TENM3: variants seen among roughly 807,000 people sequenced by gnomAD.
The protein encoded by TENM3 is teneurin transmembrane protein 3.
In TENM3, 63 loss-of-function variants were observed where a neutral mutation model predicts 255.1. The observed-to-expected ratio is 0.25, with a 90% CI of 0.20 to 0.30. The LOEUF (loss-of-function observed/expected upper bound fraction) is 0.30. Ranked by LOEUF, TENM3 falls within the 10% of genes least tolerant of loss-of-function variation. The pLI, the probability that TENM3 is intolerant of heterozygous loss-of-function variation, is 1.00. For missense variants in TENM3, 2,929 were observed against 3,461.1 expected (o/e 0.85, Z 3.86); for synonymous variants, 1,306 against 1,322.3 (o/e 0.99, Z 0.27).
At chr4:181,751,549 C>A in the TENM3 span, among the ~76,000 whole-genome samples, 1 of 152,078 alleles carries the variant, frequency 6.6e-6, no homozygotes, top group African/African-American at 2.4e-5. Flanking sequence ...GATCCAGAAC[C>A]GATTACACAT....
chr4:181,648,062 C>T, the TENM3 span, among the ~76,000 whole-genome samples: 2 of 152,118 alleles, frequency 1.3e-5, no homozygotes, highest in African/African-American at 4.8e-5. Context: ...AAATTTCCCC[C>T]TGTAGTCCCG....
chr4:182,068,837 T>C, the TENM3 span, among the ~76,000 whole-genome samples: 1 of 152,088 alleles, frequency 6.6e-6, no homozygotes, highest in Non-Finnish European at 1.5e-5. Context: ...ATAAACGCAT[T>C]AATGATCAAG....
intron 3 of TENM3, among the ~76,000 whole-genome samples, chr4:182,540,248 T>C (rs1030165407): frequency 6.6e-6 from 1 of 152,174 alleles, no homozygotes; most frequent in Non-Finnish European, 1.5e-5. Flanking sequence ...AGATGTTGTA[T>C]AGAAAAACAA....
the TENM3 span, among the ~76,000 whole-genome samples, chr4:181,597,516 T>A: frequency 3.3e-5 from 5 of 152,248 alleles, no homozygotes; most frequent in African/African-American, 7.2e-5. Context: ...TTTCCTTTTT[T>A]TCAAGCATTA....
intron 4 of TENM3, among the ~76,000 whole-genome samples, chr4:182,613,158 G>A (rs1168675686): frequency 1.3e-5 from 2 of 152,112 alleles, no homozygotes; most frequent in African/African-American, 4.8e-5. Flanking sequence ...TGTCCAGATA[G>A]CACATAGGAA....
At chr4:181,859,304 G>A in the TENM3 span, among the ~76,000 whole-genome samples, 1 of 145,946 alleles carries the variant, frequency 6.9e-6, no homozygotes, top group Non-Finnish European at 1.5e-5. Context: ...ACTATCTGAC[G>A]ATATGATAGC....
intron 1 of TENM3, among the ~76,000 whole-genome samples, chr4:182,165,378 G>A (rs1751635848): frequency 6.6e-6 from 1 of 152,174 alleles, no homozygotes; most frequent in Non-Finnish European, 1.5e-5. Context: ...TTTGACCCAT[G>A]TTCACTTCTC....
At chr4:182,078,773 T>C in the TENM3 span, among the ~76,000 whole-genome samples, 2 of 151,810 alleles carry the variant, frequency 1.3e-5, no homozygotes, top group Non-Finnish European at 2.9e-5. Context: ...GAGAGGGGAA[T>C]AATATTTAGA....
intron 3 of TENM3, among the ~76,000 whole-genome samples, chr4:182,429,833 G>T (rs1359659113): frequency 6.6e-6 from 1 of 152,182 alleles, no homozygotes; most frequent in African/African-American, 2.4e-5. Context: ...CTGCCTTTGA[G>T]ATCTTACTAG....
the TENM3 span, among the ~76,000 whole-genome samples, chr4:181,617,276 AG>A: frequency 6.6e-6 from 1 of 152,216 alleles, no homozygotes. Context: ...AAAAAAATAG[AG>A]GCAGCAGACA....
At chr4:182,484,186 G>A (rs1310305566) in intron 3 of TENM3, among the ~76,000 whole-genome samples, 3 of 152,102 alleles carry the variant, frequency 2.0e-5, no homozygotes, top group Admixed American at 2.0e-4. Context: ...ATAGATGAGT[G>A]TATTTAATCC....
chr4:182,356,369 T>C (rs976107805), intron 3 of TENM3, among the ~76,000 whole-genome samples: 11 of 151,892 alleles, frequency 7.2e-5, no homozygotes, highest in Non-Finnish European at 1.3e-4. Flanking sequence ...ATAATGTAGG[T>C]ATAGTGGGTG....
At chr4:182,127,101 T>C in the TENM3 span, among the ~76,000 whole-genome samples, 211 of 152,330 alleles carry the variant, frequency 1.4e-3, 3 homozygotes, top group East Asian at 5.2e-3. Flanking sequence ...TATGTTAAAA[T>C]ATAGGGACTT....
the TENM3 span, among the ~76,000 whole-genome samples, chr4:181,501,003 G>A: frequency 6.6e-6 from 1 of 152,134 alleles, no homozygotes; most frequent in Non-Finnish European, 1.5e-5. Context: ...CTTTTACCTG[G>A]GGGCCCAGCC....
At chr4:181,566,036 C>T in the TENM3 span, among the ~76,000 whole-genome samples, 1 of 151,916 alleles carries the variant, frequency 6.6e-6, no homozygotes, top group African/African-American at 2.4e-5. Context: ...CAGAATACAG[C>T]AGAGTCCAAC....
At chr4:181,736,649 C>G in the TENM3 span, among the ~76,000 whole-genome samples, 2 of 151,728 alleles carry the variant, frequency 1.3e-5, no homozygotes, top group African/African-American at 4.8e-5. Context: ...CGTATACACC[C>G]AAATACCATT....
At chr4:182,406,206 G>A (rs1769561052) in intron 3 of TENM3, among the ~76,000 whole-genome samples, 2 of 152,222 alleles carry the variant, frequency 1.3e-5, no homozygotes, top group East Asian at 1.9e-4. Context: ...TTGGGAGGCC[G>A]AGGCAGGAGA....
the TENM3 span, among the ~76,000 whole-genome samples, chr4:181,486,473 T>G: frequency 1.3e-5 from 2 of 152,226 alleles, no homozygotes; most frequent in Non-Finnish European, 2.9e-5. Flanking sequence ...ATGATCATAC[T>G]GAAGCATAGC....
At chr4:182,621,729 A>T (rs62339131) in intron 4 of TENM3, among the ~76,000 whole-genome samples, 3 of 83,896 alleles carry the variant, frequency 3.6e-5, no homozygotes, top group Non-Finnish European at 6.9e-5. Context: ...ATTATATATA[A>T]AATATATAAT....
Sources: gnomAD v4.1 joint callset for allele counts (sites outside exome capture counted in the v4.1 genomes callset) on GRCh38, gnomAD v4.1.1 for gene constraint, MANE v1.5 for transcripts, NCBI Gene and HGNC (gene_info 2026-07-23, HGNC 2026-07-21) for gene names.